SYNE1: variants seen among roughly 807,000 people sequenced by gnomAD.
The protein encoded by SYNE1 is spectrin repeat containing nuclear envelope protein 1, also known as nesprin-1.
In SYNE1, 616 loss-of-function variants were observed where a neutral mutation model predicts 1,111.0. The observed-to-expected ratio is 0.55, with a 90% CI of 0.52 to 0.59. The LOEUF (loss-of-function observed/expected upper bound fraction) is 0.59, where lower values mean the gene tolerates loss of function less well. Ranked by LOEUF, SYNE1 falls within the 20% of genes least tolerant of loss-of-function variation. The probability of loss-of-function intolerance (pLI) is 0.00; values close to 1 mark genes in which losing one functional copy is unlikely to be tolerated. For synonymous variants in SYNE1, 3,855 were observed against 3,825.8 expected, an observed-to-expected ratio of 1.01 and a Z score of -0.28; for missense variants, 10,006 against 10,417.0, an observed-to-expected ratio of 0.96 and a Z score of 1.72.
chr6:152,191,829 A>C (rs1005976166), intron 127 of SYNE1, among the ~76,000 whole-genome samples: 2 of 151,332 alleles, frequency 1.3e-5, no homozygotes, highest in Admixed American at 6.6e-5. Flanking sequence ...TTTAAGATGC[A>C]TTGTTAGGTT....
At chr6:152,551,137 A>C (rs9397523) in intron 3 of SYNE1, among the ~76,000 whole-genome samples, 58,957 of 151,936 alleles carry the variant, frequency 0.39, 12,017 homozygotes, top group African/African-American at 0.49. Context: ...CAATGATCGG[A>C]TAGTAAAGTA....
At chr6:152,626,805 C>T (rs571319076) in intron 3 of SYNE1, among the ~76,000 whole-genome samples, 1 of 152,288 alleles carries the variant, frequency 6.6e-6, no homozygotes, top group South Asian at 2.1e-4. Flanking sequence ...CGTGGAGAAA[C>T]TCCTAGTTCC....
chr6:152,334,016 G>A lies in SYNE1; in HGVS notation c.12786C>T (p.Asn4262=), dbSNP rs1046986428. ...GGGAGAATTTCTGTTACCTGGCCAAGTTATCCCATTCTGTAGTAAATTTTT... is the reference window on the plus strand; with the variant it reads ...GGGAGAATTTCTGTTACCTGGCCAAATTATCCCATTCTGTAGTAAATTTTT... The part of the protein sequence containing the change: ...FLEKFTTEWD[N]LARSDAESTA... Residue 4262 remains asparagine, a synonymous_variant, in exon 77 of 146, where the codon AAC becomes AAT. Transcript: ENST00000367255. 1.2e-6 allele frequency: 2 copies of A among 1,614,128 alleles called. No homozygotes were observed. The highest frequency in any genetic ancestry group is 1.7e-6 in the Non-Finnish European group (2 of 1,180,014).
intron 28 of SYNE1, 86 bp downstream of exon 28, chr6:152,449,447 A>G (rs1363411477): frequency 1.8e-5 from 19 of 1,044,728 alleles, no homozygotes; most frequent in Non-Finnish European, 2.8e-5. Flanking sequence ...TTCCAGAAAG[A>G]AAAAAGCAGA....
chr6:152,449,676 G>T, intron 27 of SYNE1, 35 bp from the exon 28 acceptor site: 1 of 1,425,554 alleles, frequency 7.0e-7, no homozygotes, highest in Non-Finnish European at 9.9e-7. Context: ...ATTAAAGGGA[G>T]AACATACCAG....
chr6:152,391,700 T>C, intron 51 of SYNE1, 132 bp from the exon 52 acceptor site: 1 of 1,118,720 alleles, frequency 8.9e-7, no homozygotes, highest in Non-Finnish European at 1.2e-6. Flanking sequence ...GCCTTTTAAA[T>C]AAAGATGCTG....
chr6:152,288,541 C>T (rs977180759), intron 95 of SYNE1, among the ~76,000 whole-genome samples: 7 of 152,150 alleles, frequency 4.6e-5, no homozygotes, highest in Non-Finnish European at 5.9e-5. Context: ...GAACTGTTCA[C>T]TTAAATCTTT....
chr6:152,629,545 G>GGGGGGGGGGGGGGGC (rs2099694035), intron 2 of SYNE1, among the ~76,000 whole-genome samples: 2 of 105,938 alleles, frequency 1.9e-5, no homozygotes, highest in Non-Finnish European at 4.0e-5. Flanking sequence ...GGGAGGGGGA[G>GGGGGGGGGGGGGGGC]GGGAGGAGGG....
rs1276754505 is a variant in SYNE1, at chr6:152,376,666, T to C, written c.9147-108A>G. On this transcript the variant is annotated intron_variant, in intron 57 of 145. Transcript: ENST00000367255. ...TAGAATGTGCACTTACCTCACTTAG[T>C]AATATATTTAATGCTGAACTAATAT... is the stretch of plus-strand genomic sequence containing the variant. The C allele has an allele frequency of 1.9e-6, 3 of 1,551,900 alleles. No individual in the cohort carries two copies. The African/African-American group carries it at 4.1e-5, about 21-fold the overall frequency.
At chr6:152,206,032 A>G (rs2076440326) in intron 126 of SYNE1, 136 bp downstream of exon 126, 1 of 991,872 alleles carries the variant, frequency 1.0e-6, no homozygotes, top group Non-Finnish European at 1.5e-6. Flanking sequence ...AGTCTTAAAT[A>G]AAACACAGAG....
rs979198237 is a variant in SYNE1, at chr6:152,148,771, C to A, written c.24643-393G>T. On this transcript the variant is annotated intron_variant, in intron 136 of 145. Transcript: ENST00000367255. The surrounding 1 kb of genome is among the most constrained non-coding windows in gnomAD (Gnocchi z 4.1). ...AAAATGGGAATAACATTAAAACATA[C>A]TTCAAATAATTAATATAAGATTAAA... 1.3e-5 allele frequency among the ~76,000 whole-genome samples: 2 copies of A among 151,494 alleles called. No individual in the cohort carries two copies. The highest frequency in any genetic ancestry group is 2.9e-5 in the Non-Finnish European group (2 of 67,968).
At chr6:152,381,701 T>C (rs933116723) in intron 55 of SYNE1, 1 of 354,126 alleles carries the variant, frequency 2.8e-6, no homozygotes, top group South Asian at 2.7e-5. Flanking sequence ...ATTAAACCCA[T>C]ATTTCCCTCA....
chr6:152,142,861 G>A (rs2058767526), intron 138 of SYNE1, among the ~76,000 whole-genome samples: 1 of 152,200 alleles, frequency 6.6e-6, no homozygotes, highest in South Asian at 2.1e-4. Context: ...TAGAACATGT[G>A]AGTTGTGACC....
chr6:152,500,964 A>G (rs1053984929), intron 10 of SYNE1, among the ~76,000 whole-genome samples: 1 of 151,876 alleles, frequency 6.6e-6, no homozygotes, highest in Non-Finnish European at 1.5e-5. Context: ...AAAAAAAAAA[A>G]AAAGAAAACA....
chr6:152,369,290 G>T, intron 60 of SYNE1, 163 bp from the exon 61 acceptor site: 1 of 1,344,724 alleles, frequency 7.4e-7, no homozygotes, highest in Admixed American at 2.0e-5. Context: ...ATCATGGAAG[G>T]AAACAAATCA....
intron 134 of SYNE1, 89 bp downstream of exon 134, chr6:152,151,870 A>G (rs1004828478): frequency 6.5e-7 from 1 of 1,540,712 alleles, no homozygotes; most frequent in African/African-American, 1.4e-5. Context: ...CATTCTTACA[A>G]AATCACTGAG....
intron 20 of SYNE1, 43 bp from the exon 21 acceptor site, chr6:152,461,783 T>A: frequency 6.2e-7 from 1 of 1,613,280 alleles, no homozygotes; most frequent in Non-Finnish European, 8.5e-7. Context: ...CATGACACAT[T>A]TCCTCTTAAC....
At chr6:152,597,902 A>C (rs1368997020) in intron 3 of SYNE1, among the ~76,000 whole-genome samples, 2 of 152,150 alleles carry the variant, frequency 1.3e-5, no homozygotes, top group South Asian at 4.1e-4. Flanking sequence ...TTATAAATAC[A>C]TACATATTTT....
chr6:152,284,201 A>G (rs751238458), intron 95 of SYNE1, 29 bp from the exon 96 acceptor site: 2 of 1,611,424 alleles, frequency 1.2e-6, no homozygotes, highest in Non-Finnish European at 1.7e-6. Flanking sequence ...AATCACACTC[A>G]TGTATTCATT....
Sources: gnomAD v4.1 joint callset for allele counts (sites outside exome capture counted in the v4.1 genomes callset) on GRCh38, gnomAD v4.1.1 for gene constraint, Gnocchi (gnomAD v3.1) non-coding constraint, MANE v1.5 for transcripts, NCBI Gene and HGNC (gene_info 2026-07-23, HGNC 2026-07-21) for gene names.